CSTPP1: variants seen among roughly 807,000 people sequenced by gnomAD.
CSTPP1 encodes the protein UPF0705 protein C11orf49.
the CSTPP1 span, among the ~76,000 whole-genome samples, chr11:46,979,785 C>T: frequency 4.6e-5 from 7 of 152,072 alleles, no homozygotes; most frequent in African/African-American, 1.7e-4. Flanking sequence ...TGGTGGCGGG[C>T]GCCTGTAATC....
chr11:47,015,186 A>C, the CSTPP1 span, among the ~76,000 whole-genome samples: 1 of 152,154 alleles, frequency 6.6e-6, no homozygotes, highest in Non-Finnish European at 1.5e-5. Flanking sequence ...AGTTAAAAAT[A>C]ATCTCACAGG....
At chr11:47,160,150 C>G in the CSTPP1 span, 1 of 165,286 alleles carries the variant, frequency 6.1e-6, no homozygotes, top group Non-Finnish European at 1.3e-5. Flanking sequence ...AGAAAAAAAA[C>G]AAAAATTAGC....
At chr11:47,114,539 T>A in the CSTPP1 span, among the ~76,000 whole-genome samples, 2 of 152,188 alleles carry the variant, frequency 1.3e-5, no homozygotes, top group African/African-American at 4.8e-5. Context: ...CTTGAAGAGG[T>A]CCTTCACATC....
At chr11:47,052,503 G>A in the CSTPP1 span, 1 of 1,613,438 alleles carries the variant, frequency 6.2e-7, no homozygotes, top group East Asian at 2.2e-5. Flanking sequence ...CTTCCGAACT[G>A]TGGGCAAAAA....
chr11:47,047,691 G>A, the CSTPP1 span, among the ~76,000 whole-genome samples: 46 of 152,186 alleles, frequency 3.0e-4, no homozygotes, highest in Admixed American at 6.6e-4. Context: ...GAACTTTTGT[G>A]CATCAAAGGA....
chr11:47,101,145 C>T, the CSTPP1 span, among the ~76,000 whole-genome samples: 1 of 143,306 alleles, frequency 7.0e-6, no homozygotes, highest in Non-Finnish European at 1.5e-5. Context: ...ATTACAGGTG[C>T]CTGCCACCAC....
At chr11:47,138,389 A>C in the CSTPP1 span, among the ~76,000 whole-genome samples, 1 of 152,200 alleles carries the variant, frequency 6.6e-6, no homozygotes, top group African/African-American at 2.4e-5. Context: ...GTTGAGATTT[A>C]GGTGGGAACA....
the CSTPP1 span, among the ~76,000 whole-genome samples, chr11:47,076,590 C>T: frequency 6.6e-6 from 1 of 152,044 alleles, no homozygotes; most frequent in Non-Finnish European, 1.5e-5. Context: ...CCTATAATCC[C>T]AGCACTTTGG....
At chr11:46,955,557 GT>G in the CSTPP1 span, among the ~76,000 whole-genome samples, 1 of 151,634 alleles carries the variant, frequency 6.6e-6, no homozygotes, top group Admixed American at 6.6e-5. Context: ...CAGAGACGGG[GT>G]TTCACCGTGT....
chr11:47,162,581 C>G, the CSTPP1 span, among the ~76,000 whole-genome samples: 1 of 152,156 alleles, frequency 6.6e-6, no homozygotes, highest in East Asian at 1.9e-4. Flanking sequence ...GGGGTTAGAA[C>G]AGTGGGATGC....
At chr11:47,078,802 G>A in the CSTPP1 span, among the ~76,000 whole-genome samples, 1 of 152,170 alleles carries the variant, frequency 6.6e-6, no homozygotes, top group African/African-American at 2.4e-5. Context: ...GATTAGCTTG[G>A]AAATTTGAGA....
the CSTPP1 span, among the ~76,000 whole-genome samples, chr11:47,057,216 A>C: frequency 6.6e-6 from 1 of 152,164 alleles, no homozygotes; most frequent in Admixed American, 6.6e-5. Context: ...TTAAAATTAC[A>C]CTTCTCACTT....
chr11:46,989,009 A>G, the CSTPP1 span, among the ~76,000 whole-genome samples: 4 of 152,162 alleles, frequency 2.6e-5, no homozygotes, highest in Admixed American at 6.5e-5. Flanking sequence ...AGGTGGGCAG[A>G]TCATGAGGTC....
At chr11:47,046,080 C>T in the CSTPP1 span, among the ~76,000 whole-genome samples, 1 of 152,010 alleles carries the variant, frequency 6.6e-6, no homozygotes, top group Non-Finnish European at 1.5e-5. Flanking sequence ...CCACCACTCC[C>T]AGCCTAAAGT....
chr11:47,036,123 T>G, the CSTPP1 span, among the ~76,000 whole-genome samples: 3 of 14,442 alleles, frequency 2.1e-4, no homozygotes, highest in African/African-American at 1.3e-3. Context: ...TAATGTATAT[T>G]ATAATATACA....
the CSTPP1 span, among the ~76,000 whole-genome samples, chr11:47,118,852 A>G: frequency 1.3e-5 from 2 of 152,126 alleles, no homozygotes; most frequent in Admixed American, 6.5e-5. Context: ...GCAGCCACCT[A>G]TATATGAGGT....
the CSTPP1 span, among the ~76,000 whole-genome samples, chr11:46,937,675 C>T: frequency 6.6e-6 from 1 of 152,082 alleles, no homozygotes. Flanking sequence ...GTAGCTGGGA[C>T]TACAGGCGCC....
chr11:46,987,630 G>T, the CSTPP1 span: 1 of 218,858 alleles, frequency 4.6e-6, no homozygotes, highest in Non-Finnish European at 9.2e-6. Context: ...TCCTTTCGCT[G>T]ATGTTCATCT....
the CSTPP1 span, chr11:47,158,028 C>CT: frequency 1.4e-4 from 140 of 987,922 alleles, no homozygotes; most frequent in East Asian, 3.0e-3. Flanking sequence ...ATCACCATCT[C>CT]TGCCTTGACT....
Sources: gnomAD v4.1 joint callset for allele counts (sites outside exome capture counted in the v4.1 genomes callset) on GRCh38, gnomAD v4.1.1 for gene constraint, MANE v1.5 for transcripts, NCBI Gene and HGNC (gene_info 2026-07-23, HGNC 2026-07-21) for gene names.